The following SDK1 variants were observed in gnomAD, a reference collection of about 807,000 sequenced individuals.
SDK1 encodes protein sidekick-1.
In SDK1, 157 loss-of-function variants were observed where a neutral mutation model predicts 245.5. That is an observed-to-expected ratio of 0.64 (90% CI 0.56 to 0.73). The LOEUF is 0.73. Ranked by LOEUF, SDK1 falls within the 30% of genes least tolerant of loss-of-function variation. The probability of loss-of-function intolerance (pLI) is 0.00; values close to 1 mark genes in which losing one functional copy is unlikely to be tolerated. For missense variants in SDK1, 3,583 were observed against 3,002.3 expected (o/e 1.19, Z -4.52); for synonymous variants, 1,647 against 1,278.5 (o/e 1.29, Z -6.15).
chr7:3,925,373 G>A lies in SDK1; in HGVS notation c.848-25550G>A, dbSNP rs1779731973. ...GTTTGCTTAGAAAAAGCACATTCAA[G>A]TTTGCATTTAGGAATCGCAGTCAGT... On this transcript the variant is annotated intron_variant, in intron 5 of 44. Transcript: ENST00000404826. 3.9e-5 allele frequency among the ~76,000 whole-genome samples: 6 copies of A among 152,220 alleles called. No homozygotes were observed. The South Asian group carries it at 1.2e-3, about 32-fold the overall frequency.
intron 1 of SDK1, among the ~76,000 whole-genome samples, chr7:3,466,630 A>C (rs552767496): frequency 6.6e-6 from 1 of 151,514 alleles, no homozygotes; most frequent in African/African-American, 2.4e-5. Flanking sequence ...TCCATGTTTC[A>C]TGTGAAATTG....
chr7:3,306,805 A>T (rs997445013), intron 1 of SDK1, among the ~76,000 whole-genome samples: 2 of 152,160 alleles, frequency 1.3e-5, no homozygotes, highest in African/African-American at 2.4e-5. Flanking sequence ...TGTGGCATGT[A>T]GTGTCTTTCT....
At chr7:3,408,532 T>G (rs889624314) in intron 1 of SDK1, among the ~76,000 whole-genome samples, 1 of 152,220 alleles carries the variant, frequency 6.6e-6, no homozygotes, top group African/African-American at 2.4e-5. Context: ...TTTGACAAAT[T>G]AATGAAGAAA....
At chr7:3,868,274 C>T (rs976812546) in intron 5 of SDK1, among the ~76,000 whole-genome samples, 1 of 152,114 alleles carries the variant, frequency 6.6e-6, no homozygotes, top group African/African-American at 2.4e-5. Context: ...AAATGTGCCG[C>T]TTAGTTTATT....
At chr7:4,118,590 G>C (rs895236124) in intron 25 of SDK1, among the ~76,000 whole-genome samples, 3 of 151,994 alleles carry the variant, frequency 2.0e-5, no homozygotes, top group Middle Eastern at 6.4e-3. Flanking sequence ...GTACCCAAGA[G>C]AGCAGAAAAC....
At chr7:4,262,018 C>CCTTT in intron 44 of SDK1, among the ~76,000 whole-genome samples, 1 of 59,252 alleles carries the variant, frequency 1.7e-5, no homozygotes, top group South Asian at 6.2e-4. Flanking sequence ...CTGCTTTCTC[C>CCTTT]TTTTTTTTTT....
intron 4 of SDK1, among the ~76,000 whole-genome samples, chr7:3,712,941 G>A (rs1251463357): frequency 3.9e-5 from 6 of 152,336 alleles, no homozygotes; most frequent in Middle Eastern, 3.4e-3. Flanking sequence ...TTCCCTGAAA[G>A]CTTCTGTGAG....
intron 4 of SDK1, among the ~76,000 whole-genome samples, chr7:3,748,268 C>T (rs920693692): frequency 6.6e-6 from 1 of 152,132 alleles, no homozygotes; most frequent in African/African-American, 2.4e-5. Context: ...TTCTGTGTAG[C>T]AGGATAGAGG....
At chr7:3,995,252 C>G (rs371244064) in intron 14 of SDK1, among the ~76,000 whole-genome samples, 4 of 152,304 alleles carry the variant, frequency 2.6e-5, no homozygotes, top group South Asian at 2.1e-4. Context: ...TCTGGGAATT[C>G]TCGCCCTGAT....
chr7:3,910,022 G>A (rs551975214), intron 5 of SDK1, among the ~76,000 whole-genome samples: 1 of 152,300 alleles, frequency 6.6e-6, no homozygotes, highest in South Asian at 2.1e-4. Flanking sequence ...TGGATGGAAA[G>A]GCCATCTGAA....
chr7:3,867,435 A>G (rs1263059811), intron 5 of SDK1, among the ~76,000 whole-genome samples: 1 of 152,148 alleles, frequency 6.6e-6, no homozygotes, highest in Middle Eastern at 3.2e-3. Flanking sequence ...CATACCCGAG[A>G]CTGGGAAGAA....
intron 1 of SDK1, among the ~76,000 whole-genome samples, chr7:3,428,513 CACAATCTG>C (rs1463402927): frequency 6.6e-6 from 1 of 152,146 alleles, no homozygotes; most frequent in African/African-American, 2.4e-5. Context: ...TATAAGGAGG[CACAATCTG>C]TCTCTTAATG....
chr7:3,721,978 C>T (rs1221926955), intron 4 of SDK1, among the ~76,000 whole-genome samples: 1 of 152,164 alleles, frequency 6.6e-6, no homozygotes. Flanking sequence ...GTCTTTATCA[C>T]CCAGTCTGGA....
At chr7:3,612,584 T>G (rs956158296) in intron 1 of SDK1, among the ~76,000 whole-genome samples, 1 of 152,210 alleles carries the variant, frequency 6.6e-6, no homozygotes, top group African/African-American at 2.4e-5. Context: ...GTGCTTTTGT[T>G]TCTCCCTGGA....
At chr7:3,651,921 A>T (rs543886001) in intron 4 of SDK1, among the ~76,000 whole-genome samples, 1 of 152,310 alleles carries the variant, frequency 6.6e-6, no homozygotes, top group South Asian at 2.1e-4. Flanking sequence ...AACGATCCCA[A>T]GTCGGGGAGA....
intron 23 of SDK1, among the ~76,000 whole-genome samples, chr7:4,112,654 C>T (rs1168250059): frequency 1.3e-5 from 2 of 152,172 alleles, no homozygotes; most frequent in African/African-American, 4.8e-5. Context: ...CCAATCCATC[C>T]AACTAGATTT....
intron 28 of SDK1, among the ~76,000 whole-genome samples, chr7:4,141,699 C>T (rs933922612): frequency 5.3e-5 from 8 of 152,176 alleles, no homozygotes; most frequent in Non-Finnish European, 1.2e-4. Flanking sequence ...TCTGTCGGGG[C>T]CAGGCCTCCA....
At chr7:3,407,516 A>G (rs903473867) in intron 1 of SDK1, among the ~76,000 whole-genome samples, 1 of 152,204 alleles carries the variant, frequency 6.6e-6, no homozygotes, top group African/African-American at 2.4e-5. Flanking sequence ...GAAGGAAAAA[A>G]TCAACATAGT....
At chr7:3,574,850 TAAG>T (rs1780234222) in intron 1 of SDK1, among the ~76,000 whole-genome samples, 1 of 151,998 alleles carries the variant, frequency 6.6e-6, no homozygotes, top group African/African-American at 2.4e-5. Context: ...ATTACAGAAT[TAAG>T]AAGAGAAGTA....
Sources: gnomAD v4.1 joint callset for allele counts (sites outside exome capture counted in the v4.1 genomes callset) on GRCh38, gnomAD v4.1.1 for gene constraint, MANE v1.5 for transcripts, NCBI Gene and HGNC (gene_info 2026-07-23, HGNC 2026-07-21) for gene names.